Variants in SPON1 observed in about 807,000 individuals in gnomAD.
SPON1 encodes the protein spondin 1, also known as spondin-1.
In SPON1, 52 loss-of-function variants were observed where a neutral mutation model predicts 111.7. The observed-to-expected ratio is 0.47, with a 90% confidence interval of 0.37 to 0.59. The LOEUF is 0.59. Ranked by LOEUF, SPON1 falls within the 20% of genes least tolerant of loss-of-function variation. The probability of loss-of-function intolerance (pLI) is 0.00; values close to 1 mark genes in which losing one functional copy is unlikely to be tolerated. For synonymous variants in SPON1, 410 were observed against 395.8 expected (o/e 1.04, Z -0.43); for missense variants, 957 against 1,068.5 (o/e 0.90, Z 1.46).
chr11:14,010,321 G>GATTC (rs1848394300), intron 2 of SPON1, among the ~76,000 whole-genome samples: 1 of 152,006 alleles, frequency 6.6e-6, no homozygotes, highest in Non-Finnish European at 1.5e-5. Flanking sequence ...CATATAAGAG[G>GATTC]ATTCATGTCT....
chr11:14,129,056 G>GCA (rs1847497054), intron 5 of SPON1, among the ~76,000 whole-genome samples: 2 of 152,252 alleles, frequency 1.3e-5, no homozygotes, highest in African/African-American at 4.8e-5. Context: ...GCCTGTGATA[G>GCA]CAGGGGCTGC....
intron 2 of SPON1, 32 bp downstream of exon 2, chr11:13,982,985 C>T (rs1368409781): frequency 1.1e-5 from 16 of 1,416,922 alleles, no homozygotes; most frequent in Non-Finnish European, 1.6e-5. Flanking sequence ...TTCAGTGGCC[C>T]TCCCTGCCCT....
At chr11:13,974,473 G>A (rs1591337076) in intron 1 of SPON1, among the ~76,000 whole-genome samples, 1 of 152,118 alleles carries the variant, frequency 6.6e-6, no homozygotes. Context: ...GATGAATTTG[G>A]GTAATAGTTT....
At chr11:14,018,202 G>A (rs1209044515) in intron 2 of SPON1, among the ~76,000 whole-genome samples, 3 of 152,182 alleles carry the variant, frequency 2.0e-5, no homozygotes, top group Non-Finnish European at 2.9e-5. Context: ...CAAGTAGCTA[G>A]ACGGCCTTTG....
chr11:14,039,853 A>G (rs529998467), intron 2 of SPON1, among the ~76,000 whole-genome samples: 1 of 152,290 alleles, frequency 6.6e-6, no homozygotes, highest in Admixed American at 6.5e-5. Context: ...ATCCCCCAAA[A>G]CAGCAAGAAA....
chr11:13,986,292 T>C (rs1254631853), intron 2 of SPON1, among the ~76,000 whole-genome samples: 2 of 152,168 alleles, frequency 1.3e-5, no homozygotes, highest in African/African-American at 4.8e-5. Flanking sequence ...AACAAATAGA[T>C]AAAGACTTCT....
At chr11:14,199,885 C>T (rs1208453740) in intron 6 of SPON1, among the ~76,000 whole-genome samples, 2 of 152,220 alleles carry the variant, frequency 1.3e-5, no homozygotes. Flanking sequence ...TCTTTCTGAT[C>T]TGGCCTATTC....
intron 6 of SPON1, among the ~76,000 whole-genome samples, chr11:14,220,200 TA>T (rs782302904): frequency 6.6e-6 from 1 of 152,150 alleles, no homozygotes; most frequent in Non-Finnish European, 1.5e-5. Context: ...GCATGTCTTC[TA>T]CATCTTGAAA....
intron 6 of SPON1, among the ~76,000 whole-genome samples, chr11:14,200,987 G>C (rs555076192): frequency 1.3e-5 from 2 of 152,078 alleles, no homozygotes; most frequent in South Asian, 4.2e-4. Flanking sequence ...GCATGGCTTT[G>C]GCAAGTTACC....
Position 14,135,635 on chromosome 11 carries a change from T to G in SPON1, c.825+67T>G. ...CAGTCAAAGCACTCCTTAGATATCT[T>G]TCCCAGGGGCTTGAAATTTGCAGTA... On this transcript the variant is annotated intron_variant, in intron 6 of 15. Coordinates refer to ENST00000576479, the MANE Select transcript of SPON1 (RefSeq NM_006108.4). This position sits in a 1 kb window ranked among gnomAD's most constrained non-coding sequence, Gnocchi z 4.4. The G allele has an allele frequency of 4.6e-4, 606 of 1,318,102 alleles. No homozygotes were observed. Among genetic ancestry groups the G allele is most frequent in the Non-Finnish European group, 5.6e-4 (523 of 934,156 alleles). The allele number at this position is 1,318,102 out of a possible 1,614,324, so 81.7% of individuals were successfully genotyped here.
At chr11:14,007,624 A>G (rs528068189) in intron 2 of SPON1, among the ~76,000 whole-genome samples, 10 of 152,200 alleles carry the variant, frequency 6.6e-5, no homozygotes, top group Non-Finnish European at 1.5e-4. Flanking sequence ...AGACACACCC[A>G]GGGTCAATAC....
intron 6 of SPON1, among the ~76,000 whole-genome samples, chr11:14,218,435 G>T (rs985980761): frequency 1.3e-5 from 2 of 152,108 alleles, no homozygotes; most frequent in Admixed American, 1.3e-4. Flanking sequence ...GTTCCCATTG[G>T]TCCCCCTGAT....
chr11:14,183,449 G>A (rs1848255366), intron 6 of SPON1, among the ~76,000 whole-genome samples: 1 of 152,200 alleles, frequency 6.6e-6, no homozygotes, highest in Admixed American at 6.5e-5. Flanking sequence ...CAGACACAAT[G>A]TCTGGTTAAT....
In SPON1 at chr11:14,259,314, C is replaced by G. The variant is rs782527090; in HGVS notation, c.1527C>G (p.Thr509=). Residue 509 remains threonine (T), a synonymous_variant, in exon 12 of 16, where the codon ACC becomes ACG. Coordinates refer to ENST00000576479, the MANE Select transcript of SPON1 (RefSeq NM_006108.4). The surrounding 1 kb of genome is among the most constrained non-coding windows in gnomAD (Gnocchi z 5.0). ...CCTGCACCATGTCCGAGTGGATCAC[C>G]TGGTCGCCCTGCAGCATCTCCTGCG... ...GSTCTMSEWI[T]WSPCSISCGM... is the part of the protein sequence containing the mutation. 10 of 1,613,042 alleles carry G rather than the reference C, an allele frequency of 6.2e-6. No homozygotes were observed. Among genetic ancestry groups the G allele is most frequent in the Non-Finnish European group, 5.9e-6 (7 of 1,179,620 alleles).
intron 2 of SPON1, among the ~76,000 whole-genome samples, chr11:14,012,239 C>T (rs1450995578): frequency 2.6e-5 from 4 of 152,154 alleles, no homozygotes; most frequent in Admixed American, 2.6e-4. Context: ...CTCCTTGTGT[C>T]AAAAGTGATT....
intron 6 of SPON1, among the ~76,000 whole-genome samples, chr11:14,165,255 A>G (rs35504361): frequency 0.19 from 29,485 of 152,036 alleles, 2,927 homozygotes; most frequent in Admixed American, 0.25. Context: ...CACTGTCTCA[A>G]TATGATTTTG....
intron 1 of SPON1, among the ~76,000 whole-genome samples, chr11:13,975,913 C>T (rs1848099839): frequency 6.6e-6 from 1 of 151,958 alleles, no homozygotes; most frequent in Admixed American, 6.6e-5. Context: ...AATCTTCATC[C>T]CCAATATCAC....
chr11:14,236,998 T>G (rs1426896307), intron 6 of SPON1, among the ~76,000 whole-genome samples: 2 of 152,166 alleles, frequency 1.3e-5, no homozygotes, highest in African/African-American at 2.4e-5. Context: ...ATGGGCAAAC[T>G]GCAAAGTGCC....
chr11:14,081,684 A>C (rs1311727262), intron 5 of SPON1, among the ~76,000 whole-genome samples: 1 of 152,008 alleles, frequency 6.6e-6, no homozygotes, highest in African/African-American at 2.4e-5. Context: ...ACCGCAGTTC[A>C]GGAAGAACAG....
Sources: gnomAD v4.1 joint callset for allele counts (sites outside exome capture counted in the v4.1 genomes callset) on GRCh38, gnomAD v4.1.1 for gene constraint, Gnocchi (gnomAD v3.1) non-coding constraint, MANE v1.5 for transcripts, NCBI Gene and HGNC (gene_info 2026-07-23, HGNC 2026-07-21) for gene names.